Variants in DGKB observed in about 807,000 individuals in gnomAD.
DGKB encodes the protein diacylglycerol kinase beta, also known as 90 kDa diacylglycerol kinase.
In DGKB, 67 loss-of-function variants were observed where a neutral mutation model predicts 114.3. The observed-to-expected ratio is 0.59, with a 90% CI of 0.48 to 0.72. The LOEUF is 0.72. Ranked by LOEUF, DGKB falls within the 30% of genes least tolerant of loss-of-function variation. The pLI is 0.00. For synonymous variants in DGKB, 398 were observed against 323.1 expected, an observed-to-expected ratio of 1.23 and a Z score of -2.49; for missense variants, 907 against 975.2, an observed-to-expected ratio of 0.93 and a Z score of 0.93.
At chr7:14,485,847 C>T (rs1350946103) in intron 20 of DGKB, among the ~76,000 whole-genome samples, 1 of 149,780 alleles carries the variant, frequency 6.7e-6, no homozygotes, top group Non-Finnish European at 1.5e-5. Context: ...GCTAAGACTG[C>T]GCCATTGCAC....
At chr7:14,361,954 A>G (rs1434311983) in intron 21 of DGKB, among the ~76,000 whole-genome samples, 1 of 152,052 alleles carries the variant, frequency 6.6e-6, no homozygotes, top group Admixed American at 6.6e-5. Flanking sequence ...GAACAAAGTG[A>G]GACTCTTGTC....
intron 2 of DGKB, among the ~76,000 whole-genome samples, chr7:14,828,727 T>C (rs1432142106): frequency 6.6e-6 from 1 of 152,132 alleles, no homozygotes; most frequent in Non-Finnish European, 1.5e-5. Context: ...AGTCTAAAGT[T>C]TCTGCATTAA....
intron 20 of DGKB, among the ~76,000 whole-genome samples, chr7:14,534,682 T>C (rs1792138079): frequency 1.3e-5 from 2 of 152,058 alleles, no homozygotes; most frequent in African/African-American, 2.4e-5. Flanking sequence ...GGGATGACTA[T>C]ACTTAGACAA....
chr7:14,932,198 C>G (rs1785055926), intron 1 of DGKB, among the ~76,000 whole-genome samples: 1 of 152,150 alleles, frequency 6.6e-6, no homozygotes, highest in African/African-American at 2.4e-5. Context: ...TGCAGAAAGG[C>G]ACTCACTCTC....
chr7:14,164,963 G>T (rs980720924), intron 25 of DGKB, among the ~76,000 whole-genome samples: 1 of 151,946 alleles, frequency 6.6e-6, no homozygotes, highest in Non-Finnish European at 1.5e-5. Flanking sequence ...TTAGGACTAG[G>T]AAAATAATTC....
At chr7:14,476,791 G>A (rs1782239126) in intron 21 of DGKB, among the ~76,000 whole-genome samples, 1 of 136,058 alleles carries the variant, frequency 7.3e-6, no homozygotes, top group Non-Finnish European at 1.5e-5. Context: ...ATCTCACTCT[G>A]TTGCCCAGGC....
At chr7:14,668,880 G>A (rs1047673401) in intron 13 of DGKB, among the ~76,000 whole-genome samples, 2 of 152,060 alleles carry the variant, frequency 1.3e-5, no homozygotes, top group African/African-American at 4.8e-5. Flanking sequence ...GTCACATGAA[G>A]ACTGGGCTGT....
At chr7:14,178,299 C>G in intron 23 of DGKB, 148 bp from the exon 24 acceptor site, 1 of 812,294 alleles carries the variant, frequency 1.2e-6, no homozygotes, top group East Asian at 3.0e-5. Context: ...AAAAGATGGC[C>G]TACTTTTATA....
chr7:14,236,446 T>C (rs1338673464), intron 23 of DGKB, among the ~76,000 whole-genome samples: 1 of 151,824 alleles, frequency 6.6e-6, no homozygotes, highest in Non-Finnish European at 1.5e-5. Flanking sequence ...CATAAAGTTA[T>C]TATAATAACA....
At chr7:14,710,993 A>G (rs1827267061) in intron 6 of DGKB, among the ~76,000 whole-genome samples, 1 of 152,060 alleles carries the variant, frequency 6.6e-6, no homozygotes, top group African/African-American at 2.4e-5. Context: ...GGAAAAAGCC[A>G]TGCTTCCTTC....
In DGKB at chr7:14,259,403, C is replaced by CTATA. The variant is rs747650934; in HGVS notation, c.2122+79111_2122+79112insTATA. Among the ~76,000 whole-genome samples, 4 of 110,392 alleles carry CTATA rather than the reference C, an allele frequency of 3.6e-5. No homozygotes were observed. The South Asian group carries it at 1.1e-3, about 31-fold the overall frequency. 72.4% of individuals were successfully genotyped at this position (110,392 alleles called of 152,430 possible). A position where few individuals can be genotyped will look rare whatever the true frequency, so the allele number is the denominator to read the frequency against. ...TTTCTCTCTCTCTCTCTCTCTCTCT[C>CTATA]TCTCTATATATATATATATATATAT... On this transcript the variant is annotated intron_variant, in intron 23 of 25. Coordinates refer to ENST00000402815, the MANE Select transcript of DGKB (RefSeq NM_001350709.2).
intron 25 of DGKB, among the ~76,000 whole-genome samples, chr7:14,161,871 A>C (rs1299884436): frequency 6.6e-6 from 1 of 152,186 alleles, no homozygotes; most frequent in Non-Finnish European, 1.5e-5. Flanking sequence ...AAATATATGC[A>C]ACTGTCTTCT....
intron 4 of DGKB, among the ~76,000 whole-genome samples, chr7:14,744,591 T>C (rs1833003558): frequency 6.6e-6 from 1 of 152,218 alleles, no homozygotes; most frequent in Admixed American, 6.5e-5. Flanking sequence ...TCCAAAGTCC[T>C]ATCTGAGATT....
At position 14,418,281 on chromosome 7, in the gene DGKB, A is replaced by ATG. The variant is rs1172101926; in HGVS notation, c.1835+59878_1835+59879dup. 2.8e-5 allele frequency among the ~76,000 whole-genome samples: 4 copies of ATG among 144,664 alleles called. No individual in the cohort carries two copies. In the East Asian group the frequency reaches 5.9e-4, roughly 22 times the overall value. The allele number at this position is 144,664 out of a possible 152,430, so 94.9% of individuals were successfully genotyped here. ...TTATATATGTATATATATTTTATAT[A>ATG]TGTGTGTATATATACATATATGTAT... On this transcript the variant is annotated intron_variant, in intron 21 of 25. Coordinates refer to ENST00000402815, the MANE Select transcript of DGKB (RefSeq NM_001350709.2).
At chr7:14,965,619 C>A (rs1000268129) in intron 1 of DGKB, among the ~76,000 whole-genome samples, 1 of 152,062 alleles carries the variant, frequency 6.6e-6, no homozygotes, top group East Asian at 1.9e-4. Context: ...ATCTCATATA[C>A]ATTCATAAGT....
chr7:14,730,433 TA>T (rs758302729), intron 5 of DGKB, among the ~76,000 whole-genome samples: 3 of 152,186 alleles, frequency 2.0e-5, no homozygotes, highest in Non-Finnish European at 4.4e-5. Context: ...CACCGCGTGC[TA>T]TTTAATTAAG....
intron 1 of DGKB, among the ~76,000 whole-genome samples, chr7:14,859,994 C>A (rs1850736795): frequency 1.3e-5 from 2 of 151,942 alleles, no homozygotes; most frequent in African/African-American, 4.8e-5. Context: ...AAATAAGAAG[C>A]AATTTGATGA....
intron 1 of DGKB, among the ~76,000 whole-genome samples, chr7:14,960,263 T>G (rs962964504): frequency 2.6e-5 from 4 of 152,102 alleles, no homozygotes; most frequent in Non-Finnish European, 4.4e-5. Flanking sequence ...CTCAAAACAG[T>G]ACTTAAAGAA....
Position 14,694,148 on chromosome 7 carries a change from G to T in DGKB, c.638C>A (p.Thr213Asn). The T allele has an allele frequency of 6.3e-7, 1 of 1,587,362 alleles. No individual in the cohort carries two copies. The highest frequency in any genetic ancestry group is 8.6e-7 in the Non-Finnish European group (1 of 1,165,042). The change falls in exon 9 of 26, where the codon ACC (threonine) becomes AAC (asparagine). Residue 213 changes from threonine (T) to asparagine (N), a missense_variant. Transcript: ENST00000402815. Reference protein sequence around the residue: ...MEEIDYDHDGTVSLEEWIQGG... With the variant: ...MEEIDYDHDGNVSLEEWIQGG... ...TTGAATCCATTCCTCCAGAGACACGGTTCCATCATGATCATAGTCAATTTC... is the reference window on the plus strand; with the variant it reads ...TTGAATCCATTCCTCCAGAGACACGTTTCCATCATGATCATAGTCAATTTC...
Sources: gnomAD v4.1 joint callset for allele counts (sites outside exome capture counted in the v4.1 genomes callset) on GRCh38, gnomAD v4.1.1 for gene constraint, MANE v1.5 for transcripts, NCBI Gene and HGNC (gene_info 2026-07-23, HGNC 2026-07-21) for gene names.